Variants in SLC17A8 observed in about 807,000 individuals in gnomAD.
The protein encoded by SLC17A8 is vesicular glutamate transporter 3.
Under a neutral mutation model 58.0 loss-of-function variants are expected in SLC17A8, and 31 were observed. The observed-to-expected ratio is 0.53, with a 90% CI of 0.40 to 0.72. The LOEUF (loss-of-function observed/expected upper bound fraction) is 0.72, where lower values mean the gene tolerates loss of function less well. Ranked by LOEUF, SLC17A8 falls within the 30% of genes least tolerant of loss-of-function variation. The pLI, the probability that SLC17A8 is intolerant of heterozygous loss-of-function variation, is 0.00. For missense variants in SLC17A8, 655 were observed against 727.8 expected (o/e 0.90, Z 1.15); for synonymous variants, 228 against 249.0 (o/e 0.92, Z 0.79).
chr12:100,402,941 A>T (rs944086522), intron 8 of SLC17A8, among the ~76,000 whole-genome samples, 196 bp downstream of exon 8: 5 of 152,188 alleles, frequency 3.3e-5, no homozygotes, highest in Admixed American at 6.5e-5. Context: ...CTTAGCAAGG[A>T]TCAGAGCCGT....
At chr12:100,418,723 G>A (rs531321005) in intron 11 of SLC17A8, among the ~76,000 whole-genome samples, 3 of 152,332 alleles carry the variant, frequency 2.0e-5, no homozygotes, top group East Asian at 1.9e-4. Flanking sequence ...TCACTGAAAC[G>A]TCTCAAGATG....
chr12:100,357,170 T>C lies in SLC17A8; in HGVS notation c.-222T>C. The C allele has an allele frequency of 2.0e-6, 1 of 511,188 alleles. No individual in the cohort carries two copies. Among genetic ancestry groups the C allele is most frequent in the Non-Finnish European group, 3.5e-6 (1 of 282,358 alleles). The allele number at this position is 511,188 out of a possible 1,614,324, so 31.7% of individuals were successfully genotyped here. A position where few individuals can be genotyped will look rare whatever the true frequency, so the allele number is the denominator to read the frequency against. Reference sequence around the variant, plus strand: ...ATTCCCAGCCAGACACCCCTTGGACTCTTTTTTGGAGGGGTGGGGAGCAGA... The same window carrying C: ...ATTCCCAGCCAGACACCCCTTGGACCCTTTTTTGGAGGGGTGGGGAGCAGA... On this transcript the variant is annotated 5_prime_UTR_variant, in exon 1 of 12. Transcript: ENST00000323346.
chr12:100,381,359 G>A (rs570958178), intron 2 of SLC17A8, among the ~76,000 whole-genome samples: 2 of 152,278 alleles, frequency 1.3e-5, no homozygotes, highest in Admixed American at 1.3e-4. Flanking sequence ...CTGTCCTCAT[G>A]GAGACAAGTA....
intron 2 of SLC17A8, among the ~76,000 whole-genome samples, chr12:100,387,616 G>A (rs749258133): frequency 1.3e-5 from 2 of 152,126 alleles, no homozygotes; most frequent in Non-Finnish European, 2.9e-5. Flanking sequence ...TTAGAGAAAG[G>A]GTCTAGTTCT....
At chr12:100,389,716 A>T (rs1036712763) in intron 2 of SLC17A8, among the ~76,000 whole-genome samples, 4 of 151,306 alleles carry the variant, frequency 2.6e-5, no homozygotes, top group African/African-American at 9.7e-5. Flanking sequence ...CTTAACCTTG[A>T]CCAACTCCTG....
intron 1 of SLC17A8, among the ~76,000 whole-genome samples, chr12:100,360,896 G>T (rs1472491912): frequency 2.0e-5 from 3 of 152,138 alleles, no homozygotes; most frequent in Admixed American, 6.5e-5. Flanking sequence ...TTTATTGAAG[G>T]CTTTCTCCAA....
intron 2 of SLC17A8, among the ~76,000 whole-genome samples, chr12:100,389,610 T>G (rs7484666): frequency 0.62 from 92,372 of 149,904 alleles, 30,122 homozygotes; most frequent in East Asian, 0.9. Flanking sequence ...TATATATATA[T>G]AGAGAGAGAG....
chr12:100,411,910 T>C (rs1364233673), intron 9 of SLC17A8, among the ~76,000 whole-genome samples: 5 of 152,152 alleles, frequency 3.3e-5, no homozygotes, highest in African/African-American at 9.7e-5. Context: ...TTTTGACTTT[T>C]GCTTTACAAG....
chr12:100,409,477 T>C (rs757467989), intron 9 of SLC17A8, among the ~76,000 whole-genome samples: 14 of 152,222 alleles, frequency 9.2e-5, no homozygotes, highest in Non-Finnish European at 1.5e-4. Context: ...TGCACCACCA[T>C]GCCTGGCCAA....
chr12:100,388,431 G>GTTAT (rs1197785788), intron 2 of SLC17A8, among the ~76,000 whole-genome samples: 1 of 152,200 alleles, frequency 6.6e-6, no homozygotes, highest in Non-Finnish European at 1.5e-5. Flanking sequence ...AACTATGCGT[G>GTTAT]TTACACAATA....
At position 100,357,473 on chromosome 12, in the gene SLC17A8, T is replaced by A. The variant is rs200727018; in HGVS notation, c.82T>A (p.Ser28Thr). 9 of 1,612,772 alleles carry A rather than the reference T, an allele frequency of 5.6e-6. No individual in the cohort carries two copies. Among genetic ancestry groups the A allele is most frequent in the Non-Finnish European group, 7.6e-6 (9 of 1,178,734 alleles). Reference protein sequence around the residue: ...KEGVKNAVGDSLGILQRKIDG... With the variant: ...KEGVKNAVGDTLGILQRKIDG... ...AGGAGTGAAGAACGCCGTGGGAGATTCTTTGGGAATTTTACAAAGGTAAAG... is the reference window on the plus strand; with the variant it reads ...AGGAGTGAAGAACGCCGTGGGAGATACTTTGGGAATTTTACAAAGGTAAAG... Residue 28 changes from serine (S) to threonine (T), a missense_variant, in exon 1 of 12, where the codon TCT (serine) becomes ACT (threonine). Transcript: ENST00000323346.
intron 1 of SLC17A8, among the ~76,000 whole-genome samples, chr12:100,378,478 A>T (rs533618860): frequency 6.6e-6 from 1 of 152,252 alleles, no homozygotes; most frequent in African/African-American, 2.4e-5. Flanking sequence ...TTTCTTTCTT[A>T]AAAAAAGGAA....
intron 1 of SLC17A8, among the ~76,000 whole-genome samples, chr12:100,359,900 A>C (rs973391023): frequency 6.6e-6 from 1 of 152,184 alleles, no homozygotes; most frequent in Non-Finnish European, 1.5e-5. Context: ...GTTTTGTAGG[A>C]GCTTTTGGAA....
At chr12:100,400,179 A>T (rs1271313902) in intron 5 of SLC17A8, among the ~76,000 whole-genome samples, 1 of 151,586 alleles carries the variant, frequency 6.6e-6, no homozygotes, top group Non-Finnish European at 1.5e-5. Context: ...CCTAAACCAG[A>T]CTCACCCACC....
At chr12:100,374,654 C>T (rs1020942360) in intron 1 of SLC17A8, among the ~76,000 whole-genome samples, 1 of 152,018 alleles carries the variant, frequency 6.6e-6, no homozygotes, top group Non-Finnish European at 1.5e-5. Flanking sequence ...TGACTCTGAG[C>T]CCCCTGCCTG....
chr12:100,398,315 C>T (rs1952767070), intron 5 of SLC17A8, among the ~76,000 whole-genome samples: 1 of 152,200 alleles, frequency 6.6e-6, no homozygotes, highest in African/African-American at 2.4e-5. Context: ...TCCATCCCTA[C>T]TACTGTGCTT....
At chr12:100,381,141 CTCAGCAT>C (rs1952634745) in intron 2 of SLC17A8, among the ~76,000 whole-genome samples, 188 bp downstream of exon 2, 1 of 151,536 alleles carries the variant, frequency 6.6e-6, no homozygotes, top group Admixed American at 6.6e-5. Flanking sequence ...ATCTCAGCAT[CTCAGCAT>C]CTCAGCATCT....
rs79546820 is a variant in SLC17A8, at chr12:100,374,774, G to C, written c.102-5927G>C. Among the ~76,000 whole-genome samples the C allele has an allele frequency of 6.1e-3, 926 of 152,134 alleles. 50 individuals carry two copies. The East Asian group carries it at 0.12, about 20-fold the overall frequency. On this transcript the variant is annotated intron_variant, in intron 1 of 11. Coordinates refer to ENST00000323346, the MANE Select transcript of SLC17A8 (RefSeq NM_139319.3). ...TCCTGCTAATTATTGATCCTCATTT[G>C]CTCCTGAGCCCATGATCCCTTGAAG... is the stretch of plus-strand genomic sequence containing the variant.
At chr12:100,380,609 A>T in intron 1 of SLC17A8, 92 bp from the exon 2 acceptor site, 3 of 1,467,568 alleles carry the variant, frequency 2.0e-6, no homozygotes, top group Admixed American at 3.7e-5. Flanking sequence ...TTTGTTTTTC[A>T]TCTGCTGGTA....
Sources: gnomAD v4.1 joint callset for allele counts (sites outside exome capture counted in the v4.1 genomes callset) on GRCh38, gnomAD v4.1.1 for gene constraint, MANE v1.5 for transcripts, NCBI Gene and HGNC (gene_info 2026-07-23, HGNC 2026-07-21) for gene names.